The following ENOX1 variants were observed in gnomAD, a reference collection of about 807,000 sequenced individuals.
ENOX1 encodes the protein ecto-NOX disulfide-thiol exchanger 1, also known as candidate growth-related and time keeping constitutive hydroquinone (NADH) oxidase.
A neutral mutation model predicts 82.5 loss-of-function variants in ENOX1; 42 were observed. The observed-to-expected ratio is 0.51, with a 90% CI of 0.40 to 0.66. The LOEUF is 0.66. ENOX1 is among the 30% of genes least tolerant of loss of function. ENOX1 has a pLI of 0.00. For missense variants in ENOX1, 608 were observed against 811.6 expected, an observed-to-expected ratio of 0.75 and a Z score of 3.05; for synonymous variants, 271 against 282.2, an observed-to-expected ratio of 0.96 and a Z score of 0.40.
At chr13:43,412,385 A>G (rs2054187978) in intron 4 of ENOX1, among the ~76,000 whole-genome samples, 1 of 152,132 alleles carries the variant, frequency 6.6e-6, no homozygotes, top group Non-Finnish European at 1.5e-5. Flanking sequence ...AAGCAGTAAT[A>G]CTCTCTTGGT....
intron 5 of ENOX1, among the ~76,000 whole-genome samples, chr13:43,383,734 A>G (rs1041453682): frequency 2.6e-5 from 4 of 152,214 alleles, no homozygotes; most frequent in African/African-American, 9.6e-5. Context: ...CACCATTACC[A>G]TCAACAGGAA....
At chr13:43,392,909 C>A (rs1031382964) in intron 5 of ENOX1, among the ~76,000 whole-genome samples, 1 of 151,942 alleles carries the variant, frequency 6.6e-6, no homozygotes, top group Non-Finnish European at 1.5e-5. Flanking sequence ...GAAGAAATAT[C>A]TTTGCTGTGT....
At chr13:43,512,235 C>T (rs2077396552) in intron 2 of ENOX1, among the ~76,000 whole-genome samples, 1 of 152,092 alleles carries the variant, frequency 6.6e-6, no homozygotes, top group Non-Finnish European at 1.5e-5. Flanking sequence ...TTCTAACCTG[C>T]TTTCCTTCTT....
chr13:43,498,165 G>A (rs567762156), intron 2 of ENOX1, among the ~76,000 whole-genome samples: 9 of 152,058 alleles, frequency 5.9e-5, no homozygotes, highest in African/African-American at 2.2e-4. Context: ...ACTGCCATGT[G>A]TTTTCAGTCA....
At chr13:43,742,417 G>T (rs575627816) in intron 1 of ENOX1, among the ~76,000 whole-genome samples, 1 of 152,006 alleles carries the variant, frequency 6.6e-6, no homozygotes, top group African/African-American at 2.4e-5. Context: ...GACAGAGAGA[G>T]ACAGAGACAG....
intron 2 of ENOX1, among the ~76,000 whole-genome samples, chr13:43,608,482 A>G (rs545696032): frequency 6.6e-6 from 1 of 152,250 alleles, no homozygotes; most frequent in African/African-American, 2.4e-5. Flanking sequence ...AGTACACTGA[A>G]TATTATACAA....
At chr13:43,651,096 C>T (rs2084146700) in intron 2 of ENOX1, among the ~76,000 whole-genome samples, 1 of 152,160 alleles carries the variant, frequency 6.6e-6, no homozygotes, top group African/African-American at 2.4e-5. Flanking sequence ...GAAGGCTGCT[C>T]CACCCACAGC....
Position 43,326,427 on chromosome 13 carries a change from G to A in ENOX1, c.1135C>T (p.His379Tyr). The change falls in exon 10 of 17, where the codon CAT (histidine) becomes TAT (tyrosine). Residue 379 changes from histidine (H) to tyrosine (Y), a missense_variant. By Grantham distance (83) the His-to-Tyr change is moderately conservative. Transcript: ENST00000690772. ...ATAATAAAATCACCAACCTCAGAAT[G>A]CTTTCGCCAAATGTCTATGTTCTTG... ...QRKNIDIWRK[H>Y]SEELRNAQSE... The A allele has an allele frequency of 6.2e-7, 1 of 1,613,884 alleles. No individual in the cohort carries two copies. Among genetic ancestry groups the A allele is most frequent in the Non-Finnish European group, 8.5e-7 (1 of 1,179,740 alleles).
At chr13:43,541,460 C>T (rs2078723980) in intron 2 of ENOX1, among the ~76,000 whole-genome samples, 1 of 151,976 alleles carries the variant, frequency 6.6e-6, no homozygotes, top group African/African-American at 2.4e-5. Context: ...ATGACTGCAC[C>T]ACTGTACTCC....
chr13:43,571,605 G>A (rs571463915), intron 2 of ENOX1, among the ~76,000 whole-genome samples: 2 of 152,080 alleles, frequency 1.3e-5, no homozygotes, highest in East Asian at 1.9e-4. Flanking sequence ...CAGGAGAATC[G>A]CTTGAACCCT....
At chr13:43,755,185 A>C (rs1404130823) in intron 1 of ENOX1, among the ~76,000 whole-genome samples, 4 of 152,302 alleles carry the variant, frequency 2.6e-5, no homozygotes, top group African/African-American at 9.6e-5. Context: ...CCTAATTGAA[A>C]GGATTTTTGG....
intron 1 of ENOX1, among the ~76,000 whole-genome samples, chr13:43,711,284 G>A (rs1278856089): frequency 4.6e-5 from 7 of 152,050 alleles, no homozygotes; most frequent in African/African-American, 1.7e-4. Flanking sequence ...ATTCCATGGT[G>A]TATATGTGCC....
Position 43,213,794 on chromosome 13 carries a change from C to A in ENOX1, c.*196G>T. ...GAAACAGATCTGTCACAGTATGAAG[C>A]TTTGTTTATTTTAAGAAACTGGTAC... On this transcript the variant is annotated 3_prime_UTR_variant, in exon 17 of 17. Transcript: ENST00000690772. The A allele has an allele frequency of 2.2e-6, 1 of 447,464 alleles. No homozygotes were observed. The highest frequency in any genetic ancestry group is 4.0e-5 in the Admixed American group (1 of 24,898). 27.7% of individuals were successfully genotyped at this position (447,464 alleles called of 1,614,324 possible).
chr13:43,554,765 C>T (rs1339352671), intron 2 of ENOX1, among the ~76,000 whole-genome samples: 4 of 151,996 alleles, frequency 2.6e-5, no homozygotes, highest in Admixed American at 6.6e-5. Flanking sequence ...TTTGTAGAGA[C>T]GGAGTTTCAC....
At chr13:43,245,619 C>T (rs1174201665) in intron 14 of ENOX1, among the ~76,000 whole-genome samples, 1 of 152,160 alleles carries the variant, frequency 6.6e-6, no homozygotes, top group Non-Finnish European at 1.5e-5. Flanking sequence ...CCTTGCTGAT[C>T]TAATCAGTTG....
At chr13:43,596,019 T>C (rs1205062320) in intron 2 of ENOX1, among the ~76,000 whole-genome samples, 7 of 152,242 alleles carry the variant, frequency 4.6e-5, no homozygotes, top group Non-Finnish European at 5.9e-5. Flanking sequence ...TGAGTTTTCA[T>C]ATACGGCTTA....
At chr13:43,236,885 T>C (rs2042577559) in intron 14 of ENOX1, 147 bp from the exon 15 acceptor site, 1 of 444,454 alleles carries the variant, frequency 2.2e-6, no homozygotes, top group Non-Finnish European at 3.9e-6. Context: ...AATTGATCTA[T>C]TTGCCCAAGA....
intron 9 of ENOX1, 105 bp from the exon 10 acceptor site, chr13:43,326,630 A>C: frequency 2.2e-6 from 2 of 890,184 alleles, no homozygotes; most frequent in Non-Finnish European, 3.7e-6. Context: ...TCACAATAGA[A>C]ACAACATCAT....
At chr13:43,249,132 A>G (rs1378825571) in intron 14 of ENOX1, among the ~76,000 whole-genome samples, 2 of 150,846 alleles carry the variant, frequency 1.3e-5, no homozygotes, top group Admixed American at 1.3e-4. Flanking sequence ...TAGTTTTGTG[A>G]CAGCCATGTT....
Sources: allele counts gnomAD v4.1 joint callset (sites outside exome capture counted in the v4.1 genomes callset), GRCh38; gene constraint gnomAD v4.1.1; transcripts MANE v1.5; gene names NCBI Gene and HGNC (gene_info 2026-07-23, HGNC 2026-07-21).